CACNA1D: variants seen among roughly 807,000 people sequenced by gnomAD.
CACNA1D encodes the protein calcium voltage-gated channel subunit alpha1 D.
Under a neutral mutation model 257.1 loss-of-function variants are expected in CACNA1D, and 55 were observed. The ratio of observed to expected loss-of-function variants is 0.21; its 90% CI spans 0.17 to 0.27. CACNA1D has a LOEUF of 0.27. Among genes scored for constraint, CACNA1D ranks in the 10% least tolerant of loss-of-function variants. CACNA1D has a pLI of 1.00. For missense variants in CACNA1D, 1,876 were observed against 2,784.0 expected, an observed-to-expected ratio of 0.67 and a Z score of 7.34; for synonymous variants, 980 against 1,014.9, an observed-to-expected ratio of 0.97 and a Z score of 0.65.
chr3:53,772,752 A>T, intron 32 of CACNA1D, 81 bp from the exon 33 acceptor site: 1 of 972,048 alleles, frequency 1.0e-6, no homozygotes, highest in Non-Finnish European at 1.7e-6. Flanking sequence ...GCATGTGGCC[A>T]CTCATGGGTC....
chr3:53,589,075 C>T (rs3774463), intron 3 of CACNA1D, among the ~76,000 whole-genome samples: 7,864 of 152,274 alleles, frequency 0.052, 328 homozygotes, highest in East Asian at 0.16. Flanking sequence ...TTCCCTTATA[C>T]AGAAGTTAGT....
At chr3:53,716,804 C>T (rs901376363) in intron 9 of CACNA1D, among the ~76,000 whole-genome samples, 1 of 152,118 alleles carries the variant, frequency 6.6e-6, no homozygotes, top group African/African-American at 2.4e-5. Context: ...CTCAGTTTCT[C>T]GGGCACTCAC....
chr3:53,788,160 A>G (rs560406497), intron 40 of CACNA1D, among the ~76,000 whole-genome samples: 1 of 152,278 alleles, frequency 6.6e-6, no homozygotes, highest in African/African-American at 2.4e-5. Flanking sequence ...AATGACAAAC[A>G]TGAGCTGTGT....
At chr3:53,558,118 C>G (rs1198800062) in intron 3 of CACNA1D, among the ~76,000 whole-genome samples, 1 of 152,188 alleles carries the variant, frequency 6.6e-6, no homozygotes, top group Admixed American at 6.5e-5. Flanking sequence ...ATAAATCCCA[C>G]TTAGTCATGG....
At chr3:53,572,169 C>T (rs1045586507) in intron 3 of CACNA1D, among the ~76,000 whole-genome samples, 3 of 152,172 alleles carry the variant, frequency 2.0e-5, no homozygotes, top group African/African-American at 7.2e-5. Flanking sequence ...GCATCTCAAG[C>T]TTGCCATGTG....
chr3:53,696,339 A>G (rs918735105), intron 8 of CACNA1D, among the ~76,000 whole-genome samples: 1 of 152,054 alleles, frequency 6.6e-6, no homozygotes. Flanking sequence ...TTTTCCTTCC[A>G]GGCATCGTGT....
At chr3:53,724,962 G>A (rs1298610283) in intron 14 of CACNA1D, among the ~76,000 whole-genome samples, 2 of 147,702 alleles carry the variant, frequency 1.4e-5, no homozygotes, top group Non-Finnish European at 1.5e-5. Flanking sequence ...GCTGATCAGT[G>A]ATTCTTTTTT....
At chr3:53,748,251 C>G (rs965945796) in intron 26 of CACNA1D, among the ~76,000 whole-genome samples, 4 of 152,216 alleles carry the variant, frequency 2.6e-5, no homozygotes, top group African/African-American at 9.6e-5. Flanking sequence ...CTCCTGCCAT[C>G]AGTGTGCAAA....
intron 20 of CACNA1D, among the ~76,000 whole-genome samples, chr3:53,738,550 T>A (rs1241173401): frequency 6.6e-6 from 1 of 152,120 alleles, no homozygotes; most frequent in Non-Finnish European, 1.5e-5. Context: ...CAGGAGCTAG[T>A]CTAGGATTCG....
chr3:53,609,276 G>T (rs1559911673), intron 3 of CACNA1D, among the ~76,000 whole-genome samples: 1 of 151,992 alleles, frequency 6.6e-6, no homozygotes, highest in African/African-American at 2.4e-5. Flanking sequence ...TGGGCACGGT[G>T]GTGGGCACCT....
At position 53,800,054 on chromosome 3, in the gene CACNA1D, C is replaced by T. The variant is rs2095528420; in HGVS notation, c.4924-195C>T. 4 of 687,042 alleles carry T rather than the reference C, an allele frequency of 5.8e-6. No individual in the cohort carries two copies. Among genetic ancestry groups the T allele is most frequent in the Non-Finnish European group, 1.1e-5 (4 of 379,552 alleles). 42.6% of individuals were successfully genotyped at this position (687,042 alleles called of 1,614,324 possible). ...AGGCCTCAGGCATCCTACCTAGGACCTTCTTGACCCTCTGGATGCCTGACC... is the reference window on the plus strand; with the variant it reads ...AGGCCTCAGGCATCCTACCTAGGACTTTCTTGACCCTCTGGATGCCTGACC... On this transcript the variant is annotated intron_variant, in intron 40 of 47. Transcript: ENST00000350061. This position sits in a 1 kb window ranked among gnomAD's most constrained non-coding sequence, Gnocchi z 4.3.
rs539142605 is a variant in CACNA1D at position 53,774,913 on chromosome 3, T to G, written c.4202+235T>G. Among the ~76,000 whole-genome samples, 1 of 152,214 alleles carries G rather than the reference T, an allele frequency of 6.6e-6. No homozygotes were observed. The highest frequency in any genetic ancestry group is 1.9e-4 in the East Asian group (1 of 5,196). On this transcript the variant is annotated intron_variant, in intron 34 of 47. Transcript: ENST00000350061. The surrounding 1 kb of genome is among the most constrained non-coding windows in gnomAD (Gnocchi z 4.3). Reference sequence around the variant, plus strand: ...ATCCCGATTGTGGCTGGCATAAGGTTTATTCATTTGGGAGTTAGTAGGGCT... The same window carrying G: ...ATCCCGATTGTGGCTGGCATAAGGTGTATTCATTTGGGAGTTAGTAGGGCT...
chr3:53,532,679 A>G (rs749297234), intron 3 of CACNA1D, among the ~76,000 whole-genome samples: 5 of 152,098 alleles, frequency 3.3e-5, no homozygotes, highest in Non-Finnish European at 5.9e-5. Flanking sequence ...TATTGCTTTT[A>G]TGTTTTTGAT....
intron 39 of CACNA1D, chr3:53,782,839 T>A (rs1040101141): frequency 6.6e-6 from 1 of 152,232 alleles, no homozygotes; most frequent in Non-Finnish European, 1.5e-5. Flanking sequence ...GGAGAACCGA[T>A]ACTGCACATT....
intron 9 of CACNA1D, among the ~76,000 whole-genome samples, chr3:53,703,797 G>A (rs768602042): frequency 6.6e-6 from 1 of 152,194 alleles, no homozygotes; most frequent in Non-Finnish European, 1.5e-5. Flanking sequence ...GAAACCCAGA[G>A]CTGGAGAGGA....
chr3:53,678,029 T>C (rs942650732), intron 8 of CACNA1D, among the ~76,000 whole-genome samples: 1 of 152,228 alleles, frequency 6.6e-6, no homozygotes, highest in Non-Finnish European at 1.5e-5. Flanking sequence ...CTGGATTTGA[T>C]GCAAGAAAAG....
chr3:53,643,711 G>A (rs544072504), intron 3 of CACNA1D, among the ~76,000 whole-genome samples: 2 of 152,180 alleles, frequency 1.3e-5, no homozygotes, highest in African/African-American at 4.8e-5. Flanking sequence ...ACCAAACCCC[G>A]TACCGTGGCA....
At chr3:53,768,298 C>T (rs1472302144) in intron 30 of CACNA1D, among the ~76,000 whole-genome samples, 1 of 152,102 alleles carries the variant, frequency 6.6e-6, no homozygotes, top group Non-Finnish European at 1.5e-5. Context: ...AACTGTAGAG[C>T]CGTCTCTCTC....
chr3:53,521,685 A>G (rs1266422719), intron 3 of CACNA1D, among the ~76,000 whole-genome samples: 1 of 152,222 alleles, frequency 6.6e-6, no homozygotes, highest in Admixed American at 6.5e-5. Flanking sequence ...TCAATAAGGA[A>G]GAGTCATGTT....
Sources: gnomAD v4.1 joint callset for allele counts (sites outside exome capture counted in the v4.1 genomes callset) on GRCh38, gnomAD v4.1.1 for gene constraint, Gnocchi (gnomAD v3.1) non-coding constraint, MANE v1.5 for transcripts, NCBI Gene and HGNC (gene_info 2026-07-23, HGNC 2026-07-21) for gene names.